FANK1: variants seen among roughly 807,000 people sequenced by gnomAD.
FANK1 encodes fibronectin type 3 and ankyrin repeat domains protein 1.
In FANK1, 44 loss-of-function variants were observed where a neutral mutation model predicts 45.3. The observed-to-expected ratio is 0.97, with a 90% confidence interval of 0.76 to 1.25. FANK1 has a LOEUF of 1.25. FANK1 is among the 50% of genes most tolerant of loss of function. FANK1 has a pLI of 0.00. For synonymous variants in FANK1, 149 were observed against 152.5 expected (o/e 0.98, Z 0.17); for missense variants, 391 against 424.4 (o/e 0.92, Z 0.69).
chr10:125,941,038 A>G (rs1482798802), intron 1 of FANK1, among the ~76,000 whole-genome samples: 3 of 152,232 alleles, frequency 2.0e-5, no homozygotes, highest in African/African-American at 4.8e-5. Context: ...CCTTTTCTAC[A>G]TAGACATGGT....
At chr10:125,969,044 C>T (rs943883288) in intron 1 of FANK1, among the ~76,000 whole-genome samples, 4 of 152,126 alleles carry the variant, frequency 2.6e-5, no homozygotes, top group African/African-American at 7.2e-5. Context: ...CGTAACACAT[C>T]CATAAATTCT....
intron 1 of FANK1, among the ~76,000 whole-genome samples, chr10:125,915,287 A>T (rs1946363197): frequency 2.0e-5 from 3 of 152,118 alleles, no homozygotes; most frequent in Admixed American, 6.5e-5. Context: ...TATTTTATTA[A>T]TGAAGTGAGC....
intron 1 of FANK1, among the ~76,000 whole-genome samples, chr10:125,924,839 T>G (rs1333982200): frequency 3.3e-5 from 5 of 152,286 alleles, no homozygotes; most frequent in African/African-American, 1.2e-4. Context: ...GACTATCATT[T>G]TCCCCTTATG....
At chr10:125,990,899 C>A (rs1462030743) in intron 3 of FANK1, among the ~76,000 whole-genome samples, 1 of 152,130 alleles carries the variant, frequency 6.6e-6, no homozygotes. Flanking sequence ...CAAGAGAGAG[C>A]ATGTGCAGGG....
At chr10:125,959,239 A>AT (rs1282553352) in intron 1 of FANK1, among the ~76,000 whole-genome samples, 1 of 126,582 alleles carries the variant, frequency 7.9e-6, no homozygotes, top group African/African-American at 2.7e-5. Flanking sequence ...TCTACTAAAA[A>AT]TCCACACACA....
At chr10:126,007,705 G>T (rs898588974) in intron 7 of FANK1, among the ~76,000 whole-genome samples, 2 of 152,196 alleles carry the variant, frequency 1.3e-5, no homozygotes, top group Non-Finnish European at 2.9e-5. Context: ...GAGTGTGTGT[G>T]CGTGTCTGAG....
chr10:125,919,994 A>G (rs1051378212), intron 1 of FANK1, among the ~76,000 whole-genome samples: 1 of 152,192 alleles, frequency 6.6e-6, no homozygotes, highest in Non-Finnish European at 1.5e-5. Flanking sequence ...TCATGCTACA[A>G]TCAATATTAA....
intron 1 of FANK1, among the ~76,000 whole-genome samples, chr10:125,963,576 AGT>A (rs1383717802): frequency 6.6e-6 from 1 of 152,226 alleles, no homozygotes; most frequent in African/African-American, 2.4e-5. Context: ...AGAAAGGATG[AGT>A]TCATGTCCTT....
chr10:125,931,075 C>T (rs535604996), intron 1 of FANK1, among the ~76,000 whole-genome samples: 15 of 152,156 alleles, frequency 9.9e-5, no homozygotes, highest in African/African-American at 1.9e-4. Context: ...AGTAATATGC[C>T]GTAGCATAAA....
intron 1 of FANK1, among the ~76,000 whole-genome samples, chr10:125,949,472 A>G (rs939898084): frequency 2.0e-5 from 3 of 152,218 alleles, no homozygotes; most frequent in Non-Finnish European, 4.4e-5. Flanking sequence ...TTATACACCA[A>G]CAAAAACAGA....
At chr10:126,009,027 C>A in intron 8 of FANK1, 27 bp from the exon 9 acceptor site, 1 of 1,609,486 alleles carries the variant, frequency 6.2e-7, no homozygotes. Context: ...GAAGCTCATG[C>A]ACACCACCCT....
chr10:125,987,270 G>A (rs1295080476), intron 2 of FANK1, among the ~76,000 whole-genome samples: 2 of 152,122 alleles, frequency 1.3e-5, no homozygotes, highest in Non-Finnish European at 2.9e-5. Context: ...CACTTGTTGA[G>A]TTGTATGGAA....
intron 1 of FANK1, among the ~76,000 whole-genome samples, chr10:125,975,894 C>T (rs1158567664): frequency 6.6e-6 from 1 of 152,122 alleles, no homozygotes; most frequent in Non-Finnish European, 1.5e-5. Flanking sequence ...ATTATGTTGG[C>T]TTGTTTGTGT....
chr10:125,940,228 C>A (rs1385480983), intron 1 of FANK1, among the ~76,000 whole-genome samples: 1 of 152,080 alleles, frequency 6.6e-6, no homozygotes, highest in Admixed American at 6.6e-5. Flanking sequence ...AGGACCTGTA[C>A]CAGCACCGGT....
intron 1 of FANK1, among the ~76,000 whole-genome samples, chr10:125,910,613 A>G (rs1945913297): frequency 6.6e-6 from 1 of 152,216 alleles, no homozygotes; most frequent in Non-Finnish European, 1.5e-5. Flanking sequence ...TTAGTACATA[A>G]TACATTTTCT....
intron 3 of FANK1, 77 bp from the exon 4 acceptor site, chr10:125,995,340 G>T: frequency 7.4e-7 from 1 of 1,342,942 alleles, no homozygotes; most frequent in South Asian, 1.2e-5. Context: ...TCCCCTGAAG[G>T]CCACAGGAGG....
At chr10:125,973,464 CT>C (rs1276855317) in intron 1 of FANK1, 1 of 985,212 alleles carries the variant, frequency 1.0e-6, no homozygotes, top group Non-Finnish European at 1.2e-6. Context: ...GCCAGAATTG[CT>C]GGGATTCAGT....
In FANK1 at chr10:125,980,283, AGGTT is replaced by A; in HGVS notation, c.137_140del (p.Arg46ThrfsTer39). ...CCAAGGACCTCAAGAGCAGTGGTTC[AGGTT>A]CTCGATTGAAGAAGAAGACCCCAAA... On this transcript the variant is annotated frameshift_variant, in exon 2 of 11. Coordinates refer to ENST00000368693, the MANE Select transcript of FANK1 (RefSeq NM_145235.5). LOFTEE classifies it high-confidence loss of function. 6.2e-7 allele frequency: 1 copy of A among 1,614,106 alleles called. No individual in the cohort carries two copies. The highest frequency in any genetic ancestry group is 1.1e-5 in the South Asian group (1 of 91,070).
intron 2 of FANK1, among the ~76,000 whole-genome samples, chr10:125,986,852 C>T (rs139937286): frequency 6.6e-6 from 1 of 152,294 alleles, no homozygotes; most frequent in Non-Finnish European, 1.5e-5. Flanking sequence ...GGAACTTAGA[C>T]CTTCTGGCTT....
Sources: gnomAD v4.1 joint callset for allele counts (sites outside exome capture counted in the v4.1 genomes callset) on GRCh38, gnomAD v4.1.1 for gene constraint, MANE v1.5 for transcripts, NCBI Gene and HGNC (gene_info 2026-07-23, HGNC 2026-07-21) for gene names.